The following SMC1B variants were observed in gnomAD, a reference collection of about 807,000 sequenced individuals.
The protein encoded by SMC1B is structural maintenance of chromosomes 1B.
SMC1B carries 60 observed loss-of-function variants against 157.9 expected under a neutral mutation model. The ratio of observed to expected loss-of-function variants is 0.38; its 90% confidence interval spans 0.31 to 0.47. The LOEUF (loss-of-function observed/expected upper bound fraction) is 0.47, where lower values mean the gene tolerates loss of function less well. SMC1B is among the 20% of genes least tolerant of loss of function. The pLI, the probability that SMC1B is intolerant of heterozygous loss-of-function variation, is 0.99. For synonymous variants in SMC1B, 445 were observed against 483.0 expected (o/e 0.92, Z 1.03); for missense variants, 1,165 against 1,426.2 (o/e 0.82, Z 2.95).
At chr22:45,371,406 C>T in intron 14 of SMC1B, 65 bp downstream of exon 14, 1 of 1,456,906 alleles carries the variant, frequency 6.9e-7, no homozygotes, top group Admixed American at 2.7e-5. Flanking sequence ...ATTTAAGAAG[C>T]CCTAAATCTA....
intron 2 of SMC1B, among the ~76,000 whole-genome samples, 177 bp from the exon 3 acceptor site, chr22:45,407,042 G>A (rs543758801): frequency 5.3e-5 from 8 of 152,210 alleles, no homozygotes; most frequent in Admixed American, 1.3e-4. Flanking sequence ...TACATGTCAA[G>A]GTCTCTTTTA....
chr22:45,404,872 G>T (rs2087240499), intron 4 of SMC1B, among the ~76,000 whole-genome samples: 1 of 152,184 alleles, frequency 6.6e-6, no homozygotes, highest in Non-Finnish European at 1.5e-5. Flanking sequence ...ATTTGGCACA[G>T]AATAAATCTC....
At chr22:45,412,958 A>C (rs1048861664) in intron 1 of SMC1B, among the ~76,000 whole-genome samples, 1 of 152,198 alleles carries the variant, frequency 6.6e-6, no homozygotes, top group Admixed American at 6.5e-5. Flanking sequence ...GCGAGTGACC[A>C]GGGCCAAGGG....
intron 22 of SMC1B, among the ~76,000 whole-genome samples, chr22:45,350,568 G>A (rs1017278068): frequency 1.9e-4 from 29 of 151,996 alleles, no homozygotes; most frequent in Admixed American, 1.2e-3. Flanking sequence ...GAGCCACCGC[G>A]CCCGGCCCTG....
chr22:45,345,937 C>T (rs755266892), intron 23 of SMC1B, among the ~76,000 whole-genome samples: 17 of 150,998 alleles, frequency 1.1e-4, no homozygotes, highest in Non-Finnish European at 1.8e-4. Context: ...GGCGCAGTGG[C>T]TCACACCTGT....
intron 7 of SMC1B, 50 bp from the exon 8 acceptor site, chr22:45,394,817 CA>C (rs1398357034): frequency 1.4e-6 from 2 of 1,445,256 alleles, no homozygotes; most frequent in Non-Finnish European, 1.8e-6. Flanking sequence ...TCCAAACCAA[CA>C]AAATTACATG....
chr22:45,383,145 C>CA (rs2086953928), intron 12 of SMC1B, among the ~76,000 whole-genome samples: 2 of 140,896 alleles, frequency 1.4e-5, no homozygotes, highest in Non-Finnish European at 3.1e-5. Context: ...AAAAAAAAAA[C>CA]AAAAAACAAA....
chr22:45,411,647 C>T (rs375848897), intron 1 of SMC1B, among the ~76,000 whole-genome samples: 13 of 152,062 alleles, frequency 8.5e-5, no homozygotes, highest in South Asian at 8.3e-4. Flanking sequence ...AGTGCAGTGG[C>T]GTGATGTCAG....
In SMC1B at chr22:45,408,631, T is replaced by C. The variant is rs540547289; in HGVS notation, c.298+79A>G. ...ATTACACCAGTAGAATAATAAACCATACCCTCCAAAGAAAGAAAAAATGGG... is the reference window on the plus strand; with the variant it reads ...ATTACACCAGTAGAATAATAAACCACACCCTCCAAAGAAAGAAAAAATGGG... On this transcript the variant is annotated intron_variant, in intron 2 of 24. Coordinates refer to ENST00000357450, the MANE Select transcript of SMC1B (RefSeq NM_148674.5). 22 of 946,852 alleles carry C rather than the reference T, an allele frequency of 2.3e-5. No homozygotes were observed. The East Asian group carries it at 3.8e-4, about 16-fold the overall frequency. 58.7% of individuals were successfully genotyped at this position (946,852 alleles called of 1,614,324 possible).
rs571701497 is a variant in SMC1B, at chr22:45,375,500, C to T, written c.2059-3208G>A. On this transcript the variant is annotated intron_variant, in intron 12 of 24. Transcript: ENST00000357450. ...ATATTCAGGGTTCACACTTCCAAGA[C>T]TACATTGAATAGTGATAACAGATAA... Among the ~76,000 whole-genome samples the T allele has an allele frequency of 9.2e-5, 14 of 152,296 alleles. No individual in the cohort carries two copies. In the South Asian group the frequency reaches 1.2e-3, roughly 14 times the overall value.
chr22:45,381,967 T>G (rs186299325), intron 12 of SMC1B, among the ~76,000 whole-genome samples: 1 of 152,312 alleles, frequency 6.6e-6, no homozygotes, highest in East Asian at 1.9e-4. Flanking sequence ...TCTGTAAAAT[T>G]TGGCTTCAAT....
chr22:45,383,673 C>T (rs11090629), intron 11 of SMC1B, 60 bp from the exon 12 acceptor site: 530,254 of 1,390,040 alleles, frequency 0.38, 108,902 homozygotes, highest in African/African-American at 0.79. Flanking sequence ...AATAAAGACA[C>T]AATGTGTCAA....
chr22:45,353,931 C>T (rs768127562), intron 21 of SMC1B, 47 bp downstream of exon 21: 12 of 581,070 alleles, frequency 2.1e-5, no homozygotes, highest in Admixed American at 1.9e-4. Flanking sequence ...CAACCACCAC[C>T]GGTAACACAG....
chr22:45,396,475 A>C lies in SMC1B; in HGVS notation c.1125T>G (p.Tyr375Ter), dbSNP rs2087125422. ...TTCTTACTTGTTCCTTAAGTTCTTT[A>C]TAACGATCCAGCTGCATAAACAGTA... ...IELEASQLDR[Y>*]KELKEQVRKK... is the part of the protein sequence containing the mutation. The change falls in exon 7 of 25, where the codon TAT (tyrosine) becomes TAG (stop). Residue 375 changes from tyrosine (Y) to a stop codon, truncating the protein, a stop_gained. Coordinates refer to ENST00000357450, the MANE Select transcript of SMC1B (RefSeq NM_148674.5). LOFTEE classifies it high-confidence loss of function. The C allele has an allele frequency of 6.2e-7, 1 of 1,611,674 alleles. No homozygotes were observed. Among genetic ancestry groups the C allele is most frequent in the Non-Finnish European group, 8.5e-7 (1 of 1,179,156 alleles).
Position 45,352,481 on chromosome 22 carries a change from G to A in SMC1B, c.3395C>T (p.Ala1132Val), listed in dbSNP as rs1366503526. The A allele has an allele frequency of 6.2e-7, 1 of 1,614,028 alleles. No homozygotes were observed. The highest frequency in any genetic ancestry group is 8.5e-7 in the Non-Finnish European group (1 of 1,179,940). ...CACAGCAAACAGGAGAGCCAAGGCT[G>A]CCACACACTTTTCTCCCCCTGACAA... ...DNLSGGEKCV[A>V]ALALLFAVHS... Residue 1132 changes from alanine to valine, a missense_variant, in exon 22 of 25, where the codon GCA becomes GTA. Coordinates refer to ENST00000357450, the MANE Select transcript of SMC1B (RefSeq NM_148674.5).
chr22:45,368,522 T>C (rs528793949), intron 15 of SMC1B, among the ~76,000 whole-genome samples: 1 of 151,898 alleles, frequency 6.6e-6, no homozygotes, highest in African/African-American at 2.4e-5. Context: ...AAATAGTTTT[T>C]TTTTTTTTTT....
At chr22:45,386,766 C>T (rs136591) in intron 11 of SMC1B, 101 bp downstream of exon 11, 552,132 of 1,052,948 alleles carry the variant, frequency 0.52, 152,282 homozygotes, top group African/African-American at 0.89. Context: ...AAAAAGAACA[C>T]ATAAAACGCA....
At chr22:45,395,547 C>G (rs2087113120) in intron 7 of SMC1B, among the ~76,000 whole-genome samples, 1 of 152,118 alleles carries the variant, frequency 6.6e-6, no homozygotes, top group African/African-American at 2.4e-5. Flanking sequence ...TGCGATCTGA[C>G]AAAAGCCCTT....
rs997194860 is a variant in SMC1B at position 45,355,118 on chromosome 22, A to G, written c.2962-3T>C. On this transcript the variant is annotated splice_region_variant and splice_polypyrimidine_tract_variant and intron_variant, in intron 19 of 24. Transcript: ENST00000357450. ...ATTTCTTGATCAGACTGTAGAGCCT[A>G]TTATGGGCAAAGAACAACACTGACT... 2.5e-6 allele frequency: 4 copies of G among 1,614,094 alleles called. No homozygotes were observed. Among genetic ancestry groups the G allele is most frequent in the Middle Eastern group, 1.6e-4 (1 of 6,062 alleles).
Sources: allele counts gnomAD v4.1 joint callset (sites outside exome capture counted in the v4.1 genomes callset), GRCh38; gene constraint gnomAD v4.1.1; transcripts MANE v1.5; gene names NCBI Gene and HGNC (gene_info 2026-07-23, HGNC 2026-07-21).